Variants in EYA1 observed in about 807,000 individuals in gnomAD.
EYA1 encodes the protein protein phosphatase EYA1.
In EYA1, 16 loss-of-function variants were observed where a neutral mutation model predicts 82.0. That is an observed-to-expected ratio of 0.20 (90% CI 0.13 to 0.30). The LOEUF (loss-of-function observed/expected upper bound fraction) is 0.30, where lower values mean the gene tolerates loss of function less well. Ranked by LOEUF, EYA1 falls within the 10% of genes least tolerant of loss-of-function variation. The pLI, the probability that EYA1 is intolerant of heterozygous loss-of-function variation, is 1.00. For synonymous variants in EYA1, 261 were observed against 264.4 expected (o/e 0.99, Z 0.12); for missense variants, 633 against 730.7 (o/e 0.87, Z 1.54).
Position 71,469,363 on chromosome 8 carries a change from GGAGA to G in EYA1, c.33+66377_33+66380del, listed in dbSNP as rs1194706398. Among the ~76,000 whole-genome samples, 78 of 151,998 alleles carry G rather than the reference GGAGA, an allele frequency of 5.1e-4. 1 individual carries two copies. Among genetic ancestry groups the G allele is most frequent in the Non-Finnish European group, 1.1e-3 (72 of 67,952 alleles). On this transcript the variant is annotated intron_variant, in intron 2 of 18. Coordinates refer to the EYA1 transcript ENST00000643681. ...TACGACTTACCTAACTATGTGATTT[GGAGA>G]TATACAACTTCTTTATACTTCAGCT...
chr8:71,463,998 C>T (rs928560428), intron 2 of EYA1, among the ~76,000 whole-genome samples: 1 of 152,072 alleles, frequency 6.6e-6, no homozygotes, highest in Non-Finnish European at 1.5e-5. Context: ...ATCAAATGTG[C>T]CTTTTTGGAT....
At chr8:71,504,812 AT>A (rs373365287) in intron 2 of EYA1, among the ~76,000 whole-genome samples, 1 of 151,698 alleles carries the variant, frequency 6.6e-6, no homozygotes, top group African/African-American at 2.4e-5. Flanking sequence ...TTTTTGTTTT[AT>A]TTTTTTGAGA....
intron 2 of EYA1, among the ~76,000 whole-genome samples, chr8:71,408,299 A>G (rs1830388710): frequency 6.6e-6 from 1 of 152,064 alleles, no homozygotes; most frequent in African/African-American, 2.4e-5. Flanking sequence ...CGAGACTAGG[A>G]AGAAACTGCA....
intron 2 of EYA1, among the ~76,000 whole-genome samples, chr8:71,378,498 T>G: frequency 6.6e-6 from 1 of 152,142 alleles, no homozygotes; most frequent in East Asian, 1.9e-4. Flanking sequence ...ACCAGTAATC[T>G]TGCCTAGTAT....
At chr8:71,522,622 T>C (rs570698234) in intron 2 of EYA1, among the ~76,000 whole-genome samples, 1 of 134,602 alleles carries the variant, frequency 7.4e-6, no homozygotes, top group South Asian at 2.4e-4. Flanking sequence ...ATACAAACTT[T>C]TTTTTTTTTT....
At chr8:71,526,996 T>G (rs1311285869) in intron 2 of EYA1, among the ~76,000 whole-genome samples, 1 of 152,164 alleles carries the variant, frequency 6.6e-6, no homozygotes, top group Non-Finnish European at 1.5e-5. Context: ...AAATTAATCA[T>G]AGGAAAATTG....
chr8:71,208,204 G>A (rs1009740922), intron 17 of EYA1, among the ~76,000 whole-genome samples: 4 of 151,782 alleles, frequency 2.6e-5, no homozygotes, highest in African/African-American at 7.3e-5. Context: ...AGGCAGAGGC[G>A]AGTGGATCAC....
At chr8:71,508,987 C>T (rs1184649568) in intron 2 of EYA1, among the ~76,000 whole-genome samples, 6 of 151,884 alleles carry the variant, frequency 4.0e-5, no homozygotes, top group East Asian at 3.9e-4. Context: ...TTTGGGAGGC[C>T]GAGGAGAGCA....
intron 9 of EYA1, among the ~76,000 whole-genome samples, chr8:71,290,657 G>A (rs1818896895): frequency 6.6e-6 from 1 of 152,070 alleles, no homozygotes; most frequent in Admixed American, 6.6e-5. Flanking sequence ...TTAGAAGACT[G>A]AATTTTTCTT....
At chr8:71,309,023 G>A (rs912615276) in intron 7 of EYA1, among the ~76,000 whole-genome samples, 2 of 152,148 alleles carry the variant, frequency 1.3e-5, no homozygotes, top group African/African-American at 2.4e-5. Context: ...AAAAGCTTTC[G>A]AAGGCCAGAT....
intron 2 of EYA1, among the ~76,000 whole-genome samples, chr8:71,421,889 G>C (rs1187441778): frequency 6.6e-6 from 1 of 152,204 alleles, no homozygotes; most frequent in East Asian, 1.9e-4. Context: ...GTGTGCAAAG[G>C]GAGGGGGACA....
chr8:71,216,594 TA>T, intron 14 of EYA1, 97 bp downstream of exon 14: 1 of 1,249,260 alleles, frequency 8.0e-7, no homozygotes, highest in Non-Finnish European at 1.2e-6. Context: ...AAATAGAAGC[TA>T]TTATATTCAA....
Position 71,406,738 on chromosome 8 carries a change from C to T in EYA1, c.34-50227G>A, listed in dbSNP as rs549526552. Among the ~76,000 whole-genome samples the T allele has an allele frequency of 5.3e-5, 8 of 151,364 alleles. No individual in the cohort carries two copies. In the South Asian group the frequency reaches 1.1e-3, roughly 20 times the overall value. Reference sequence around the variant, plus strand: ...GGAGGGTCCTACGCCCACGGAATCTCGCTGATTGCTAGCACAGCAGTCTGA... The same window carrying T: ...GGAGGGTCCTACGCCCACGGAATCTTGCTGATTGCTAGCACAGCAGTCTGA... On this transcript the variant is annotated intron_variant, in intron 2 of 18. Transcript: ENST00000643681.
intron 1 of EYA1, among the ~76,000 whole-genome samples, chr8:71,546,737 C>G (rs1225303585): frequency 6.6e-6 from 1 of 152,184 alleles, no homozygotes; most frequent in Non-Finnish European, 1.5e-5. Context: ...CTCCTGACCT[C>G]AGGCAGTCTG....
At chr8:71,540,673 T>C (rs1815069915) in intron 1 of EYA1, among the ~76,000 whole-genome samples, 1 of 152,208 alleles carries the variant, frequency 6.6e-6, no homozygotes, top group South Asian at 2.1e-4. Context: ...AAATGGGTTA[T>C]ATTTTGGATG....
chr8:71,397,243 A>G (rs1484306255), intron 2 of EYA1, among the ~76,000 whole-genome samples: 1 of 152,060 alleles, frequency 6.6e-6, no homozygotes, highest in Admixed American at 6.6e-5. Context: ...TCTTTATCCA[A>G]TTTGCCAGTC....
At chr8:71,281,251 G>GC (rs1817783139) in intron 9 of EYA1, among the ~76,000 whole-genome samples, 1 of 151,252 alleles carries the variant, frequency 6.6e-6, no homozygotes, top group Non-Finnish European at 1.5e-5. Context: ...GTCTGAGAAT[G>GC]TTTTTTTCTT....
At chr8:71,237,643 A>T (rs1812008248) in intron 12 of EYA1, among the ~76,000 whole-genome samples, 1 of 152,204 alleles carries the variant, frequency 6.6e-6, no homozygotes. Context: ...TCTACGATTT[A>T]TATTTCCATA....
intron 2 of EYA1, among the ~76,000 whole-genome samples, chr8:71,523,772 T>C (rs984166517): frequency 4.6e-5 from 7 of 152,230 alleles, no homozygotes; most frequent in African/African-American, 1.7e-4. Context: ...TGTTTTAAGA[T>C]GGCAGCCTGG....
Sources: allele counts gnomAD v4.1 joint callset (sites outside exome capture counted in the v4.1 genomes callset), GRCh38; gene constraint gnomAD v4.1.1; transcripts MANE v1.5; gene names NCBI Gene and HGNC (gene_info 2026-07-23, HGNC 2026-07-21).